Variants in MTARC1 observed in about 807,000 individuals in gnomAD.
MTARC1 encodes mitochondrial amidoxime-reducing component 1.
A neutral mutation model predicts 33.6 loss-of-function variants in MTARC1; 24 were observed. The ratio of observed to expected loss-of-function variants is 0.72; its 90% CI spans 0.52 to 1.01. The LOEUF is 1.01. Among genes scored for constraint, MTARC1 ranks in the 50% least tolerant of loss-of-function variants. The pLI, the probability that MTARC1 is intolerant of heterozygous loss-of-function variation, is 0.00. For missense variants in MTARC1, 417 were observed against 445.7 expected (o/e 0.94, Z 0.58); for synonymous variants, 187 against 189.5 (o/e 0.99, Z 0.11).
At chr1:220,807,194 T>C (rs1672996538) in intron 6 of MTARC1, among the ~76,000 whole-genome samples, 1 of 152,072 alleles carries the variant, frequency 6.6e-6, no homozygotes, top group African/African-American at 2.4e-5. Context: ...CAAGCTGAAC[T>C]GTTCAGAGTT....
At position 220,799,882 on chromosome 1, in the gene MTARC1, C is replaced by T. The variant is rs150601709; in HGVS notation, c.753+1868C>T. ...ACACGGGCAGTTTCAATGACTCCCT[C>T]GCCTGATGGGAGCTGTGAGAATCAA... On this transcript the variant is annotated intron_variant, in intron 4 of 6. Transcript: ENST00000366910. Among the ~76,000 whole-genome samples the T allele has an allele frequency of 3.3e-4, 50 of 152,284 alleles. No individual in the cohort carries two copies. The East Asian group carries it at 3.5e-3, about 11-fold the overall frequency.
chr1:220,789,173 C>T (rs1672343682), intron 1 of MTARC1, among the ~76,000 whole-genome samples: 1 of 150,544 alleles, frequency 6.6e-6, no homozygotes, highest in Admixed American at 6.6e-5. Flanking sequence ...TCAGGGACAA[C>T]ATCAGAGAGA....
chr1:220,795,059 C>T (rs1012117518), intron 2 of MTARC1, among the ~76,000 whole-genome samples: 1 of 151,970 alleles, frequency 6.6e-6, no homozygotes, highest in South Asian at 2.1e-4. Flanking sequence ...ATATATTTTA[C>T]AATATAAAAA....
chr1:220,788,613 C>A (rs1435614182), intron 1 of MTARC1, among the ~76,000 whole-genome samples: 1 of 151,912 alleles, frequency 6.6e-6, no homozygotes, highest in South Asian at 2.1e-4. Flanking sequence ...AGGGTGAAAC[C>A]CCTTCTCTAC....
chr1:220,811,738 C>T (rs1219886884), intron 6 of MTARC1, among the ~76,000 whole-genome samples: 1 of 152,196 alleles, frequency 6.6e-6, no homozygotes, highest in African/African-American at 2.4e-5. Context: ...GTGAGTCCCA[C>T]ACATCTGCTC....
At chr1:220,794,371 C>T (rs891414247) in intron 2 of MTARC1, 2 of 151,480 alleles carry the variant, frequency 1.3e-5, no homozygotes, top group East Asian at 1.9e-4. Context: ...GCTGGCATTT[C>T]ACAAGATGCT....
At chr1:220,809,658 C>A (rs141450436) in intron 6 of MTARC1, among the ~76,000 whole-genome samples, 2 of 152,172 alleles carry the variant, frequency 1.3e-5, no homozygotes, top group East Asian at 3.8e-4. Flanking sequence ...TACAGGCATG[C>A]GCCTCTACGC....
intron 1 of MTARC1, among the ~76,000 whole-genome samples, chr1:220,789,192 G>T (rs1481874887): frequency 6.6e-6 from 1 of 151,292 alleles, no homozygotes; most frequent in Non-Finnish European, 1.5e-5. Flanking sequence ...GAAAGTAACA[G>T]CTTGAGCTGA....
At chr1:220,789,111 C>A (rs11588866) in intron 1 of MTARC1, among the ~76,000 whole-genome samples, 31,152 of 152,012 alleles carry the variant, frequency 0.2, 3,614 homozygotes, top group East Asian at 0.45. Context: ...GGATGCGACA[C>A]GTGCCAGGGT....
intron 6 of MTARC1, chr1:220,808,986 A>G (rs1277882614): frequency 1.3e-5 from 6 of 452,568 alleles, no homozygotes; most frequent in Non-Finnish European, 2.2e-5. Flanking sequence ...CTCAAAAAAA[A>G]AAACGTTTTG....
chr1:220,787,008 T>C lies in MTARC1; in HGVS notation c.64T>C (p.Trp22Arg). The C allele has an allele frequency of 7.7e-7, 1 of 1,300,810 alleles. No homozygotes were observed. Among genetic ancestry groups the C allele is most frequent in the South Asian group, 2.7e-5 (1 of 37,330 alleles). The allele number at this position is 1,300,810 out of a possible 1,614,324, so 80.6% of individuals were successfully genotyped here. Residue 22 changes from tryptophan (W) to arginine (R), a missense_variant, in exon 1 of 7, where the codon TGG becomes CGG. By Grantham distance (101) the Trp-to-Arg change is moderately radical (BLOSUM62 -3). Coordinates refer to ENST00000366910, the MANE Select transcript of MTARC1 (RefSeq NM_022746.4). ...FVLLAQSRPGWLGVAALGLTA... is the reference protein window; with the variant it reads ...FVLLAQSRPGRLGVAALGLTA... ...CCTCCTCGCGCAATCCCGGCCCGGG[T>C]GGCTCGGGGTTGCCGCGCTGGGCCT... is the stretch of plus-strand genomic sequence containing the variant.
chr1:220,806,314 A>T (rs970427162), intron 6 of MTARC1, among the ~76,000 whole-genome samples: 2 of 151,790 alleles, frequency 1.3e-5, no homozygotes, highest in Non-Finnish European at 2.9e-5. Flanking sequence ...AGCCCCTGAG[A>T]CCCTTCCTTG....
chr1:220,813,254 G>T (rs371643111), intron 6 of MTARC1, 38 bp from the exon 7 acceptor site: 2 of 1,613,240 alleles, frequency 1.2e-6, no homozygotes, highest in East Asian at 2.2e-5. Flanking sequence ...TCTTGCATCC[G>T]CTTGGCTGTG....
chr1:220,794,150 T>A (rs767235804), intron 2 of MTARC1: 10 of 152,166 alleles, frequency 6.6e-5, no homozygotes, highest in Non-Finnish European at 1.5e-4. Context: ...CTCCACTGTG[T>A]GTGCCCTCCC....
chr1:220,805,203 A>T lies in MTARC1; in HGVS notation c.816A>T (p.Arg272Ser). The T allele has an allele frequency of 6.2e-7, 1 of 1,613,964 alleles. No individual in the cohort carries two copies. Among genetic ancestry groups the T allele is most frequent in the Non-Finnish European group, 8.5e-7 (1 of 1,180,026 alleles). ...VELKRVMACSRCILTTVDPDT... is the reference protein window; with the variant it reads ...VELKRVMACSSCILTTVDPDT... ...TATGATGCTCTGTGTGTGTGTCCAGATGCATTTTAACCACAGTGGACCCAG... is the reference window on the plus strand; with the variant it reads ...TATGATGCTCTGTGTGTGTGTCCAGTTGCATTTTAACCACAGTGGACCCAG... The change falls in exon 6 of 7, where the codon AGA becomes AGT. Residue 272 changes from arginine to serine, a missense_variant and splice_region_variant. By Grantham distance (110) the Arg-to-Ser change is moderately radical. Coordinates refer to ENST00000366910, the MANE Select transcript of MTARC1 (RefSeq NM_022746.4).
chr1:220,812,309 G>T (rs1380521120), intron 6 of MTARC1, among the ~76,000 whole-genome samples: 1 of 152,244 alleles, frequency 6.6e-6, no homozygotes, highest in Non-Finnish European at 1.5e-5. Flanking sequence ...TAGTTGGAAT[G>T]TTATTCTTTA....
intron 3 of MTARC1, among the ~76,000 whole-genome samples, chr1:220,797,396 A>G (rs972357185): frequency 6.6e-6 from 1 of 152,236 alleles, no homozygotes; most frequent in Non-Finnish European, 1.5e-5. Context: ...ATTGCACTAC[A>G]GCCCAGGTGA....
intron 4 of MTARC1, among the ~76,000 whole-genome samples, chr1:220,802,015 C>T (rs958542752): frequency 2.6e-5 from 4 of 152,172 alleles, no homozygotes; most frequent in African/African-American, 9.7e-5. Flanking sequence ...TCACCACCAC[C>T]CCGCTCTGAG....
At chr1:220,791,688 C>A in intron 2 of MTARC1, 24 bp downstream of exon 2, 1 of 1,606,070 alleles carries the variant, frequency 6.2e-7, no homozygotes, top group East Asian at 2.2e-5. Context: ...AGGTCGTAGC[C>A]CTTGTGTGAA....
Sources: gnomAD v4.1 joint callset for allele counts (sites outside exome capture counted in the v4.1 genomes callset) on GRCh38, gnomAD v4.1.1 for gene constraint, MANE v1.5 for transcripts, NCBI Gene and HGNC (gene_info 2026-07-23, HGNC 2026-07-21) for gene names.